The following SBF2 variants were observed in gnomAD, a reference collection of about 807,000 sequenced individuals.
The protein encoded by SBF2 is SET binding factor 2, also known as myotubularin-related protein 13.
In SBF2, 112 loss-of-function variants were observed where a neutral mutation model predicts 225.2. That is an observed-to-expected ratio of 0.50 (90% CI 0.43 to 0.58). The LOEUF is 0.58. Among genes scored for constraint, SBF2 ranks in the 20% least tolerant of loss-of-function variants. The pLI, the probability that SBF2 is intolerant of heterozygous loss-of-function variation, is 0.00. For missense variants in SBF2, 1,996 were observed against 2,206.2 expected (o/e 0.90, Z 1.91); for synonymous variants, 763 against 773.3 (o/e 0.99, Z 0.22).
At chr11:10,209,876 G>A (rs1313894666) in intron 1 of SBF2, among the ~76,000 whole-genome samples, 1 of 152,078 alleles carries the variant, frequency 6.6e-6, no homozygotes, top group East Asian at 1.9e-4. Context: ...ATCAATGTCA[G>A]ATCTATGGGC....
At position 9,825,458 on chromosome 11, in the gene SBF2, C is replaced by T. The variant is rs185960052; in HGVS notation, c.3793+3898G>A. ...CCACCCAATTTGTGGCACTTTGTTACGGTAGCCCTAGGAAACCAATACAAC... is the reference window on the plus strand; with the variant it reads ...CCACCCAATTTGTGGCACTTTGTTATGGTAGCCCTAGGAAACCAATACAAC... On this transcript the variant is annotated intron_variant, in intron 28 of 39. Coordinates refer to ENST00000256190, the MANE Select transcript of SBF2 (RefSeq NM_030962.4). Among the ~76,000 whole-genome samples the T allele has an allele frequency of 7.8e-4, 119 of 152,164 alleles. 1 individual carries two copies. Among genetic ancestry groups the T allele is most frequent in the African/African-American group, 2.6e-3 (107 of 41,500 alleles).
intron 35 of SBF2, 152 bp downstream of exon 35, chr11:9,788,957 C>G (rs1312305373): frequency 1.4e-6 from 1 of 699,064 alleles, no homozygotes; most frequent in African/African-American, 1.8e-5. Flanking sequence ...TGGTCCCCCA[C>G]TGATGATGGG....
At chr11:9,827,495 T>G (rs1056346863) in intron 28 of SBF2, among the ~76,000 whole-genome samples, 1 of 150,252 alleles carries the variant, frequency 6.7e-6, no homozygotes, top group Non-Finnish European at 1.5e-5. Context: ...ACAGTTCCAC[T>G]GCACTCCAGC....
At chr11:9,841,777 G>C (rs1402564085) in intron 25 of SBF2, among the ~76,000 whole-genome samples, 1 of 152,112 alleles carries the variant, frequency 6.6e-6, no homozygotes, top group Non-Finnish European at 1.5e-5. Context: ...CAAGTGATCT[G>C]CCTGCCTCAG....
At chr11:10,293,615 T>C (rs777422283) in intron 1 of SBF2, among the ~76,000 whole-genome samples, 1 of 152,194 alleles carries the variant, frequency 6.6e-6, no homozygotes, top group Non-Finnish European at 1.5e-5. Context: ...TCACTCAGGA[T>C]GCAGGGCAGA....
chr11:10,174,980 C>G (rs1290907927), intron 2 of SBF2, among the ~76,000 whole-genome samples: 2 of 151,802 alleles, frequency 1.3e-5, no homozygotes, highest in Non-Finnish European at 2.9e-5. Flanking sequence ...TTGTCACCAC[C>G]AGGCCTGCCC....
Position 9,823,215 on chromosome 11 carries a change from T to C in SBF2, c.3793+6141A>G, listed in dbSNP as rs139757395. 6.6e-3 allele frequency among the ~76,000 whole-genome samples: 1,004 copies of C among 152,282 alleles called. 11 individuals carry two copies. The highest frequency in any genetic ancestry group is 0.02 in the Middle Eastern group (6 of 294). On this transcript the variant is annotated intron_variant, in intron 28 of 39. Transcript: ENST00000256190. Reference sequence around the variant, plus strand: ...TACTTTAATTTTAAATGAAAAACAATGTGATCTATTCACTTCTTGCTTTTA... The same window carrying C: ...TACTTTAATTTTAAATGAAAAACAACGTGATCTATTCACTTCTTGCTTTTA...
intron 2 of SBF2, among the ~76,000 whole-genome samples, chr11:10,127,128 C>A (rs1175067557): frequency 1.3e-5 from 2 of 152,000 alleles, no homozygotes; most frequent in Admixed American, 6.5e-5. Flanking sequence ...AACAGTTGCA[C>A]AACAATGTGA....
intron 6 of SBF2, among the ~76,000 whole-genome samples, chr11:10,003,221 C>T (rs546832089): frequency 6.6e-5 from 10 of 152,206 alleles, no homozygotes; most frequent in Non-Finnish European, 1.3e-4. Flanking sequence ...AAATCAGAGA[C>T]TGTAACTGAA....
At chr11:10,237,992 C>A (rs760981877) in intron 1 of SBF2, among the ~76,000 whole-genome samples, 1 of 152,132 alleles carries the variant, frequency 6.6e-6, no homozygotes, top group East Asian at 1.9e-4. Context: ...AAAGCTACTA[C>A]GAACATCCTT....
chr11:9,880,596 T>A (rs1302053254), intron 17 of SBF2, among the ~76,000 whole-genome samples: 1 of 152,216 alleles, frequency 6.6e-6, no homozygotes, highest in Non-Finnish European at 1.5e-5. Context: ...CTAAGTGGCC[T>A]CTGTTGCTCT....
intron 1 of SBF2, among the ~76,000 whole-genome samples, chr11:10,261,246 A>G (rs1169682398): frequency 6.6e-6 from 1 of 152,194 alleles, no homozygotes; most frequent in African/African-American, 2.4e-5. Flanking sequence ...TCTGTCACCC[A>G]GGCTGGAGTG....
intron 26 of SBF2, 157 bp downstream of exon 26, chr11:9,839,341 G>T: frequency 1.3e-6 from 1 of 764,708 alleles, no homozygotes; most frequent in Non-Finnish European, 2.3e-6. Flanking sequence ...ATTGTTCCGA[G>T]AATGCCAATG....
At chr11:9,914,847 G>A (rs1010704187) in intron 16 of SBF2, among the ~76,000 whole-genome samples, 1 of 143,480 alleles carries the variant, frequency 7.0e-6, no homozygotes, top group African/African-American at 2.6e-5. Flanking sequence ...TCACAATGAT[G>A]TGTTAATGTA....
chr11:9,903,870 T>C, intron 16 of SBF2, among the ~76,000 whole-genome samples: 1 of 152,180 alleles, frequency 6.6e-6, no homozygotes, highest in East Asian at 1.9e-4. Context: ...TACTCTGCCA[T>C]TTTGTCTCTT....
chr11:10,062,906 C>G lies in SBF2; in HGVS notation c.142-19925G>C, dbSNP rs544697589. ...AGACACGTGAATGTTCACTGCAGCA[C>G]TGTTCACAACAGCAAAGACATGGAA... On this transcript the variant is annotated intron_variant, in intron 2 of 39. Coordinates refer to ENST00000256190, the MANE Select transcript of SBF2 (RefSeq NM_030962.4). Among the ~76,000 whole-genome samples the G allele has an allele frequency of 2.0e-5, 3 of 152,274 alleles. No homozygotes were observed. In the East Asian group the frequency reaches 5.8e-4, roughly 29 times the overall value.
chr11:10,182,165 G>A (rs781077124), intron 2 of SBF2, among the ~76,000 whole-genome samples: 8 of 152,094 alleles, frequency 5.3e-5, no homozygotes, highest in Non-Finnish European at 7.4e-5. Flanking sequence ...AACATATTTC[G>A]TACAGTAATT....
intron 16 of SBF2, among the ~76,000 whole-genome samples, chr11:9,903,430 T>C (rs558059619): frequency 1.8e-4 from 27 of 152,320 alleles, no homozygotes; most frequent in African/African-American, 6.0e-4. Context: ...GCACCAAATA[T>C]GTTACCAGTC....
At chr11:9,838,748 T>C (rs1394186754) in intron 26 of SBF2, 1 of 152,180 alleles carries the variant, frequency 6.6e-6, no homozygotes, top group African/African-American at 2.4e-5. Flanking sequence ...AATTTATAAA[T>C]GCAAAGAAAA....
Sources: allele counts gnomAD v4.1 joint callset (sites outside exome capture counted in the v4.1 genomes callset), GRCh38; gene constraint gnomAD v4.1.1; transcripts MANE v1.5; gene names NCBI Gene and HGNC (gene_info 2026-07-23, HGNC 2026-07-21).